The following TGM2 variants were observed in gnomAD, a reference collection of about 807,000 sequenced individuals.
TGM2 encodes protein-glutamine gamma-glutamyltransferase 2.
TGM2 carries 53 observed loss-of-function variants against 75.6 expected under a neutral mutation model. The observed-to-expected ratio is 0.70, with a 90% confidence interval of 0.56 to 0.88. The LOEUF (loss-of-function observed/expected upper bound fraction) is 0.88. Ranked by LOEUF, TGM2 falls within the 40% of genes least tolerant of loss-of-function variation. The probability of loss-of-function intolerance (pLI) is 0.00; values close to 1 mark genes in which losing one functional copy is unlikely to be tolerated. For missense variants in TGM2, 842 were observed against 928.5 expected (o/e 0.91, Z 1.21); for synonymous variants, 374 against 381.1 (o/e 0.98, Z 0.22).
chr20:38,138,986 A>G (rs2074935139), intron 9 of TGM2, among the ~76,000 whole-genome samples: 1 of 152,156 alleles, frequency 6.6e-6, no homozygotes, highest in South Asian at 2.1e-4. Context: ...CCTTTCAGCT[A>G]GAGTATGGCC....
intron 4 of TGM2, among the ~76,000 whole-genome samples, 183 bp downstream of exon 4, chr20:38,150,756 C>T (rs1019205585): frequency 6.6e-6 from 1 of 152,248 alleles, no homozygotes; most frequent in African/African-American, 2.4e-5. Context: ...TGCTGTGTGA[C>T]CTCAGGGCAG....
intron 8 of TGM2, 23 bp from the exon 9 acceptor site, chr20:38,139,677 G>A (rs1185499798): frequency 1.9e-6 from 3 of 1,613,746 alleles, no homozygotes; most frequent in Non-Finnish European, 2.5e-6. Context: ...GAAAGGGGAA[G>A]GGATGGGCCT....
chr20:38,132,626 G>T, intron 10 of TGM2, 126 bp from the exon 11 acceptor site: 1 of 1,319,432 alleles, frequency 7.6e-7, no homozygotes, highest in Non-Finnish European at 1.1e-6. Context: ...GAATGGCTGG[G>T]CGGATCCCTG....
Position 38,142,079 on chromosome 20 carries a change from T to G in TGM2, c.980A>C (p.Lys327Thr). ...RNEFGEIQGD[K>T]SEMIWNFHCW... ...CCCACCTCACCAGATCATCTCGCTC[T>G]TGTCACCCTGGATCTCCCCAAACTC... The change falls in exon 7 of 13, where the codon AAG (lysine) becomes ACG (threonine). Residue 327 changes from lysine to threonine, a missense_variant. Transcript: ENST00000361475. 6.2e-7 allele frequency: 1 copy of G among 1,614,152 alleles called. No individual in the cohort carries two copies. Among genetic ancestry groups the G allele is most frequent in the Non-Finnish European group, 8.5e-7 (1 of 1,180,032 alleles).
chr20:38,152,635 C>T (rs1465464552), intron 3 of TGM2, among the ~76,000 whole-genome samples: 2 of 152,150 alleles, frequency 1.3e-5, no homozygotes, highest in African/African-American at 2.4e-5. Flanking sequence ...AACTGGCACT[C>T]GATCATATTG....
chr20:38,147,271 G>A (rs919713344), intron 5 of TGM2, among the ~76,000 whole-genome samples: 17 of 151,856 alleles, frequency 1.1e-4, no homozygotes, highest in South Asian at 2.1e-4. Flanking sequence ...CCATTACCTC[G>A]AGAATAAAAT....
intron 7 of TGM2, 69 bp from the exon 8 acceptor site, chr20:38,141,454 G>A: frequency 8.4e-7 from 1 of 1,187,254 alleles, no homozygotes; most frequent in Non-Finnish European, 1.2e-6. Context: ...CCCACGGGCA[G>A]ACCATGCATT....
At chr20:38,155,036 G>A (rs1438810211) in intron 3 of TGM2, among the ~76,000 whole-genome samples, 2 of 152,222 alleles carry the variant, frequency 1.3e-5, no homozygotes, top group Non-Finnish European at 2.9e-5. Flanking sequence ...AACCTGGTGG[G>A]CAGAGGTTGC....
chr20:38,142,410 A>G (rs2074987441), intron 6 of TGM2, among the ~76,000 whole-genome samples: 1 of 152,166 alleles, frequency 6.6e-6, no homozygotes, highest in Non-Finnish European at 1.5e-5. Flanking sequence ...TGCCAGAAGG[A>G]GACTCTAAAA....
chr20:38,161,429 C>T lies in TGM2; in HGVS notation c.181G>A (p.Val61Ile). ...GGTTGCAGGTACTCACCGGTCACGA[C>T]ACTGAAGGTGAGACTGTCTACACTG... ...EASVDSLTFS[V>I]VTGPAPSQEA... Residue 61 changes from valine to isoleucine, a missense_variant, in exon 2 of 13, where the codon GTC becomes ATC. By Grantham distance (29) the Val-to-Ile change is conservative (BLOSUM62 3). Transcript: ENST00000361475. 1 of 1,614,096 alleles carries T rather than the reference C, an allele frequency of 6.2e-7. No individual in the cohort carries two copies. The highest frequency in any genetic ancestry group is 1.1e-5 in the South Asian group (1 of 91,074).
At chr20:38,143,993 G>A (rs559304498) in intron 6 of TGM2, among the ~76,000 whole-genome samples, 1 of 152,318 alleles carries the variant, frequency 6.6e-6, no homozygotes, top group Non-Finnish European at 1.5e-5. Flanking sequence ...CTGAGGCCTG[G>A]GCAGGGCTCA....
intron 8 of TGM2, 107 bp from the exon 9 acceptor site, chr20:38,139,761 G>A (rs1399677499): frequency 6.2e-6 from 9 of 1,453,800 alleles, no homozygotes; most frequent in East Asian, 4.9e-5. Flanking sequence ...TCAAGACCAC[G>A]CGGCCCTCTG....
intron 2 of TGM2, among the ~76,000 whole-genome samples, chr20:38,159,289 T>C (rs766342605): frequency 2.0e-5 from 3 of 152,038 alleles, no homozygotes; most frequent in Non-Finnish European, 4.4e-5. Context: ...TTCTCACTTA[T>C]AAGTGGGAGA....
chr20:38,144,115 A>G (rs1325426230), intron 6 of TGM2, among the ~76,000 whole-genome samples: 1 of 152,162 alleles, frequency 6.6e-6, no homozygotes, highest in Non-Finnish European at 1.5e-5. Context: ...TCTGCTTTCC[A>G]GGGAGCCAAG....
Position 38,127,706 on chromosome 20 carries a change from A to G in TGM2, c.*2513T>C, listed in dbSNP as rs1467271757. 5 of 152,228 alleles carry G rather than the reference A, an allele frequency of 3.3e-5. No individual in the cohort carries two copies. The highest frequency in any genetic ancestry group is 3.3e-4 in the Admixed American group (5 of 15,286). 9.4% of individuals were successfully genotyped at this position (152,228 alleles called of 1,614,324 possible). ...AAATAAGAAGGTCAAATACCTTACT[A>G]ATTCTTATATTGATTACATGTTGAA... On this transcript the variant is annotated 3_prime_UTR_variant, in exon 13 of 13. Coordinates refer to ENST00000361475, the MANE Select transcript of TGM2 (RefSeq NM_004613.4).
intron 11 of TGM2, among the ~76,000 whole-genome samples, chr20:38,131,693 C>T (rs2074836219): frequency 2.0e-5 from 3 of 152,046 alleles, no homozygotes; most frequent in East Asian, 3.9e-4. Flanking sequence ...TGCTCACTGC[C>T]GCTCCCTCTG....
intron 11 of TGM2, among the ~76,000 whole-genome samples, chr20:38,131,925 A>C (rs2074838740): frequency 6.6e-6 from 1 of 151,964 alleles, no homozygotes; most frequent in South Asian, 2.1e-4. Flanking sequence ...AGATGAATAA[A>C]CTGAGGCACA....
At chr20:38,161,283 G>T in intron 2 of TGM2, 137 bp downstream of exon 2, 1 of 1,197,396 alleles carries the variant, frequency 8.4e-7, no homozygotes, top group Non-Finnish European at 1.2e-6. Flanking sequence ...TGGGGCTGAT[G>T]ACAGGTGGCA....
At chr20:38,150,912 T>C (rs199644444) in intron 4 of TGM2, 27 bp downstream of exon 4, 208 of 1,552,342 alleles carry the variant, frequency 1.3e-4, no homozygotes, top group Middle Eastern at 8.4e-4. Flanking sequence ...CCTGAGATGG[T>C]TGGGAGAGAC....
Sources: allele counts gnomAD v4.1 joint callset (sites outside exome capture counted in the v4.1 genomes callset), GRCh38; gene constraint gnomAD v4.1.1; transcripts MANE v1.5; gene names NCBI Gene and HGNC (gene_info 2026-07-23, HGNC 2026-07-21).